VCL: variants seen among roughly 807,000 people sequenced by gnomAD.
VCL encodes epididymis luminal protein 114.
VCL carries 47 observed loss-of-function variants against 125.7 expected under a neutral mutation model. The ratio of observed to expected loss-of-function variants is 0.37; its 90% CI spans 0.30 to 0.48. The LOEUF is 0.48. Among genes scored for constraint, VCL ranks in the 20% least tolerant of loss-of-function variants. The pLI, the probability that VCL is intolerant of heterozygous loss-of-function variation, is 0.99. For synonymous variants in VCL, 458 were observed against 514.6 expected (o/e 0.89, Z 1.49); for missense variants, 1,069 against 1,455.5 (o/e 0.73, Z 4.32).
chr10:74,035,262 T>C (rs1840952482), intron 1 of VCL, among the ~76,000 whole-genome samples: 1 of 151,878 alleles, frequency 6.6e-6, no homozygotes, highest in African/African-American at 2.4e-5. Context: ...CTTTCTTTTT[T>C]TTTTTTTGCT....
chr10:74,064,499 G>A (rs749986241), intron 2 of VCL, among the ~76,000 whole-genome samples: 1 of 151,896 alleles, frequency 6.6e-6, no homozygotes, highest in Non-Finnish European at 1.5e-5. Flanking sequence ...TTGATATCCT[G>A]GACTCAAGCA....
chr10:74,070,275 G>A (rs1025092844), intron 2 of VCL, among the ~76,000 whole-genome samples: 5 of 152,196 alleles, frequency 3.3e-5, no homozygotes, highest in Admixed American at 3.3e-4. Flanking sequence ...TTTAATAGCA[G>A]TGTGTATAGG....
rs531281277 is a variant in VCL, at chr10:74,097,497, C to T, written c.1872+165C>T. On this transcript the variant is annotated intron_variant, in intron 13 of 21. Coordinates refer to ENST00000211998, the MANE Select transcript of VCL (RefSeq NM_014000.3). The surrounding 1 kb of genome is among the most constrained non-coding windows in gnomAD (Gnocchi z 4.1). ...CTACCACCTCTACTTTTAGTCTCCACGTATATCAGTGAGGAATATCTTTAG... is the reference window on the plus strand; with the variant it reads ...CTACCACCTCTACTTTTAGTCTCCATGTATATCAGTGAGGAATATCTTTAG... Among the ~76,000 whole-genome samples the T allele has an allele frequency of 2.6e-5, 4 of 152,264 alleles. No individual in the cohort carries two copies. The highest frequency in any genetic ancestry group is 2.0e-4 in the Admixed American group (3 of 15,286).
intron 13 of VCL, among the ~76,000 whole-genome samples, chr10:74,098,991 G>T (rs1238393459): frequency 6.6e-6 from 1 of 152,004 alleles, no homozygotes; most frequent in Non-Finnish European, 1.5e-5. Flanking sequence ...AACAACTAAG[G>T]CACACTCATT....
intron 1 of VCL, among the ~76,000 whole-genome samples, chr10:74,007,162 C>T (rs1344505991): frequency 1.3e-5 from 2 of 152,002 alleles, no homozygotes; most frequent in African/African-American, 4.8e-5. Flanking sequence ...AAACAAATAT[C>T]CAAATGGGGT....
chr10:74,097,117 T>C lies in VCL; in HGVS notation c.1744-87T>C. 2.6e-6 allele frequency: 4 copies of C among 1,551,894 alleles called. No homozygotes were observed. Among genetic ancestry groups the C allele is most frequent in the Non-Finnish European group, 3.5e-6 (4 of 1,136,774 alleles). Reference sequence around the variant, plus strand: ...TTTATTGAATGAAAGACTGAATAGATGAATGAATGTCAGTGAAGTAAGGGC... The same window carrying C: ...TTTATTGAATGAAAGACTGAATAGACGAATGAATGTCAGTGAAGTAAGGGC... On this transcript the variant is annotated intron_variant, in intron 12 of 21. Transcript: ENST00000211998. This position sits in a 1 kb window ranked among gnomAD's most constrained non-coding sequence, Gnocchi z 4.1.
At chr10:74,047,865 T>G (rs1199810928) in intron 2 of VCL, among the ~76,000 whole-genome samples, 1 of 152,198 alleles carries the variant, frequency 6.6e-6, no homozygotes, top group African/African-American at 2.4e-5. Context: ...ATGAGGAACT[T>G]CCAGTGCTCA....
intron 1 of VCL, among the ~76,000 whole-genome samples, chr10:74,020,859 A>AAAAAAAAAAAAAT (rs1840649473): frequency 6.6e-6 from 1 of 151,394 alleles, no homozygotes; most frequent in Admixed American, 6.6e-5. Flanking sequence ...AAAAAAAAAA[A>AAAAAAAAAAAAAT]AAGAGAGCGA....
rs780652072 is a variant in VCL, at chr10:74,090,094, G to A, written c.1248G>A (p.Arg416=). The change falls in exon 10 of 22, where the codon CGG becomes CGA. Residue 416 remains arginine, a synonymous_variant. Coordinates refer to ENST00000211998, the MANE Select transcript of VCL (RefSeq NM_014000.3). ...TTCGAGGTGCTTTGGCTGAAGCTCG[G>A]AAAATAGCAGAATTATGTGATGATC... ...EQIRGALAEA[R]KIAELCDDPK... The A allele has an allele frequency of 6.2e-7, 1 of 1,614,152 alleles. No individual in the cohort carries two copies. Among genetic ancestry groups the A allele is most frequent in the Non-Finnish European group, 8.5e-7 (1 of 1,180,040 alleles).
At chr10:74,088,298 C>T (rs571677947) in intron 8 of VCL, among the ~76,000 whole-genome samples, 1 of 152,136 alleles carries the variant, frequency 6.6e-6, no homozygotes, top group Non-Finnish European at 1.5e-5. Context: ...TTTCCATGAA[C>T]TCATATCATT....
chr10:74,072,727 CA>C lies in VCL; in HGVS notation c.500-2del. The C allele has an allele frequency of 6.2e-7, 1 of 1,613,856 alleles. No individual in the cohort carries two copies. Among genetic ancestry groups the C allele is most frequent in the East Asian group, 2.2e-5 (1 of 44,864 alleles). On this transcript the variant is annotated splice_acceptor_variant, in intron 4 of 21. Transcript: ENST00000211998. LOFTEE classifies it high-confidence loss of function. ...CCTGCACAATTTCTTCTTTGTGCCC[CA>C]GGAATGACTAAGATGGCCAAGATGA...
At chr10:74,101,922 A>G (rs999698123) in intron 14 of VCL, among the ~76,000 whole-genome samples, 5 of 148,030 alleles carry the variant, frequency 3.4e-5, no homozygotes, top group Non-Finnish European at 7.5e-5. Flanking sequence ...CTGGAGTCCA[A>G]TGGTGTAATC....
At chr10:74,114,069 C>G in intron 19 of VCL, 115 bp from the exon 20 acceptor site, 1 of 1,238,908 alleles carries the variant, frequency 8.1e-7, no homozygotes, top group South Asian at 1.3e-5. Flanking sequence ...TCTTCTCACC[C>G]TTCCGGAGGG....
intron 10 of VCL, among the ~76,000 whole-genome samples, chr10:74,092,662 T>C (rs1839907764): frequency 6.6e-6 from 1 of 152,208 alleles, no homozygotes; most frequent in Admixed American, 6.5e-5. Flanking sequence ...TTAATCACTT[T>C]CCAGCTCCAG....
intron 1 of VCL, among the ~76,000 whole-genome samples, chr10:74,022,212 A>C (rs1840682917): frequency 6.6e-6 from 1 of 152,110 alleles, no homozygotes; most frequent in Non-Finnish European, 1.5e-5. Context: ...TGGGAAAAAA[A>C]CAGAAGATGA....
chr10:74,120,807 CA>C (rs1840422045), downstream of VCL: 1 of 152,248 alleles, frequency 6.6e-6, no homozygotes, highest in South Asian at 2.1e-4. Flanking sequence ...TGTGATCCAC[CA>C]CGCCCGGCCA....
At chr10:74,088,788 T>C (rs1425914967) in intron 8 of VCL, among the ~76,000 whole-genome samples, 1 of 152,228 alleles carries the variant, frequency 6.6e-6, no homozygotes, top group Admixed American at 6.5e-5. Context: ...TTTCAATGTA[T>C]ACTTGCCCAT....
At chr10:74,038,764 C>T (rs1338982068) in intron 1 of VCL, among the ~76,000 whole-genome samples, 1 of 152,152 alleles carries the variant, frequency 6.6e-6, no homozygotes, top group Non-Finnish European at 1.5e-5. Flanking sequence ...AGAATATATG[C>T]TATTTACAAA....
At chr10:74,070,376 A>G (rs984159406) in intron 2 of VCL, among the ~76,000 whole-genome samples, 2 of 152,212 alleles carry the variant, frequency 1.3e-5, no homozygotes, top group African/African-American at 4.8e-5. Flanking sequence ...TTTTGTTGTC[A>G]GGAAATAAAG....
Sources: gnomAD v4.1 joint callset for allele counts (sites outside exome capture counted in the v4.1 genomes callset) on GRCh38, gnomAD v4.1.1 for gene constraint, Gnocchi (gnomAD v3.1) non-coding constraint, MANE v1.5 for transcripts, NCBI Gene and HGNC (gene_info 2026-07-23, HGNC 2026-07-21) for gene names.